Variants in ATP8B4 observed in about 807,000 individuals in gnomAD.
The protein encoded by ATP8B4 is probable phospholipid-transporting ATPase IM.
In ATP8B4, 133 loss-of-function variants were observed where a neutral mutation model predicts 145.6. The ratio of observed to expected loss-of-function variants is 0.91; its 90% CI spans 0.79 to 1.05. The LOEUF (loss-of-function observed/expected upper bound fraction) is 1.05. ATP8B4 is among the 50% of genes least tolerant of loss of function. The pLI is 0.00. For synonymous variants in ATP8B4, 507 were observed against 492.9 expected (o/e 1.03, Z -0.38); for missense variants, 1,458 against 1,425.2 (o/e 1.02, Z -0.37).
chr15:50,177,899 C>T (rs770461444), intron 1 of ATP8B4, among the ~76,000 whole-genome samples: 3 of 152,112 alleles, frequency 2.0e-5, no homozygotes, highest in Non-Finnish European at 4.4e-5. Flanking sequence ...AGGGACGCCA[C>T]CTGCTTTAAA....
At chr15:50,132,849 C>T (rs1012122636) in intron 1 of ATP8B4, among the ~76,000 whole-genome samples, 1 of 152,100 alleles carries the variant, frequency 6.6e-6, no homozygotes, top group African/African-American at 2.4e-5. Context: ...TCTCAGCAAA[C>T]TAACACAGGA....
intron 1 of ATP8B4, among the ~76,000 whole-genome samples, chr15:50,112,789 C>T (rs2057012564): frequency 1.3e-5 from 2 of 152,088 alleles, no homozygotes; most frequent in African/African-American, 4.8e-5. Context: ...ATTTCCACCT[C>T]CCCAGTCTAC....
In ATP8B4 at chr15:50,102,798, A is replaced by C. The variant is rs2056449131; in HGVS notation, c.28+4141T>G. Among the ~76,000 whole-genome samples the C allele has an allele frequency of 2.6e-5, 4 of 151,874 alleles. No individual in the cohort carries two copies. In the South Asian group the frequency reaches 8.3e-4, roughly 32 times the overall value. On this transcript the variant is annotated intron_variant, in intron 2 of 27. Coordinates refer to ENST00000284509, the MANE Select transcript of ATP8B4 (RefSeq NM_024837.4). ...GGGATGGACATAACAAAAAAAAAAA[A>C]ACTACAGAACAATATCCTTTATGAA...
At chr15:49,994,380 G>A (rs939824051) in intron 9 of ATP8B4, among the ~76,000 whole-genome samples, 1 of 151,902 alleles carries the variant, frequency 6.6e-6, no homozygotes, top group Admixed American at 6.6e-5. Flanking sequence ...GTCTTTTTGG[G>A]CCCTGACGCT....
chr15:49,918,766 G>C (rs2039981772), intron 19 of ATP8B4, 73 bp downstream of exon 19: 1 of 1,085,082 alleles, frequency 9.2e-7, no homozygotes, highest in African/African-American at 1.6e-5. Flanking sequence ...TAACCTTTCT[G>C]GTTAATTAAA....
chr15:50,125,566 G>A (rs1054977555), intron 1 of ATP8B4, among the ~76,000 whole-genome samples: 1 of 152,172 alleles, frequency 6.6e-6, no homozygotes, highest in African/African-American at 2.4e-5. Context: ...TGGTCTCTGT[G>A]AGAACAGAAA....
chr15:49,897,083 T>C (rs1598981465), intron 23 of ATP8B4: 1 of 514,582 alleles, frequency 1.9e-6, no homozygotes, highest in South Asian at 3.2e-5. Context: ...AATAAGAAAA[T>C]AAATAAATAA....
intron 1 of ATP8B4, among the ~76,000 whole-genome samples, chr15:50,138,967 C>T (rs1203968389): frequency 6.6e-6 from 1 of 152,090 alleles, no homozygotes; most frequent in African/African-American, 2.4e-5. Context: ...GTGGAAAAAA[C>T]AATGCTTTTA....
chr15:50,167,635 C>T (rs1047959399), intron 1 of ATP8B4, among the ~76,000 whole-genome samples: 9 of 152,214 alleles, frequency 5.9e-5, no homozygotes, highest in African/African-American at 1.4e-4. Context: ...TGGAGGGCAG[C>T]GCGAGACACA....
At chr15:50,023,773 CA>C (rs2049775726) in intron 6 of ATP8B4, among the ~76,000 whole-genome samples, 1 of 44,518 alleles carries the variant, frequency 2.2e-5, no homozygotes, top group Admixed American at 2.4e-4. Flanking sequence ...AAATTGAGAC[CA>C]AAGGCAAAAA....
At chr15:50,121,697 G>A (rs568902708), upstream of ATP8B4, among the ~76,000 whole-genome samples, 35 of 152,194 alleles carry the variant, frequency 2.3e-4, no homozygotes, top group South Asian at 7.3e-3. Flanking sequence ...TTATACAAAG[G>A]TAGCTAAACA....
intron 1 of ATP8B4, among the ~76,000 whole-genome samples, chr15:50,144,581 G>A (rs556573364): frequency 1.8e-4 from 27 of 152,174 alleles, no homozygotes; most frequent in Middle Eastern, 6.8e-3. Context: ...ACAGCATGGG[G>A]GCATTACCTC....
At chr15:50,069,788 A>T (rs1430343811) in intron 3 of ATP8B4, among the ~76,000 whole-genome samples, 1 of 152,208 alleles carries the variant, frequency 6.6e-6, no homozygotes, top group Non-Finnish European at 1.5e-5. Flanking sequence ...GAATCTGGCC[A>T]GTCTGCACTA....
At chr15:49,951,196 G>A (rs1351370158) in intron 14 of ATP8B4, among the ~76,000 whole-genome samples, 1 of 152,210 alleles carries the variant, frequency 6.6e-6, no homozygotes, top group Admixed American at 6.5e-5. Flanking sequence ...AGACAGTACT[G>A]TAGACATCTA....
intron 2 of ATP8B4, among the ~76,000 whole-genome samples, chr15:50,085,250 T>A (rs1461675582): frequency 6.6e-6 from 1 of 152,264 alleles, no homozygotes; most frequent in South Asian, 2.1e-4. Context: ...ACTAGAAATG[T>A]GTTTGCATAG....
intron 1 of ATP8B4, among the ~76,000 whole-genome samples, chr15:50,117,462 AAAAT>A (rs1414399934): frequency 6.6e-6 from 1 of 152,236 alleles, no homozygotes; most frequent in Non-Finnish European, 1.5e-5. Flanking sequence ...ACATATGAAA[AAAAT>A]AAAATTCTCC....
chr15:50,049,117 G>A (rs901421894), intron 3 of ATP8B4, among the ~76,000 whole-genome samples: 3 of 152,140 alleles, frequency 2.0e-5, no homozygotes, highest in East Asian at 3.8e-4. Context: ...CCTTTGGGGT[G>A]TACCCATTTT....
rs1373061912 is a variant in ATP8B4 at position 49,920,275 on chromosome 15, G to A, written c.1894C>T (p.Leu632=). The part of the protein sequence containing the change: ...TEERDERIAG[L]YEEIERDLML... ...AAATCTCTTTCAATTTCTTCATATA[G>A]CCCAGCTATTCGTTCATCCCTCTCT... The change falls in exon 18 of 28, where the codon CTA becomes TTA. Residue 632 remains leucine, a synonymous_variant. Coordinates refer to ENST00000284509, the MANE Select transcript of ATP8B4 (RefSeq NM_024837.4). 1.9e-6 allele frequency: 3 copies of A among 1,614,040 alleles called. No homozygotes were observed. Among genetic ancestry groups the A allele is most frequent in the Admixed American group, 1.7e-5 (1 of 60,006 alleles).
Position 49,868,676 on chromosome 15 carries a change from A to G in ATP8B4, c.3028-2192T>C, listed in dbSNP as rs565021349. ...TTAACATGTAAGAGTTGGGGATGGG[A>G]GTAAGGACAAAGAAGGGTAAGTAAG... is the stretch of plus-strand genomic sequence containing the variant. On this transcript the variant is annotated intron_variant, in intron 25 of 27. Coordinates refer to ENST00000284509, the MANE Select transcript of ATP8B4 (RefSeq NM_024837.4). Among the ~76,000 whole-genome samples, 13 of 152,312 alleles carry G rather than the reference A, an allele frequency of 8.5e-5. 1 individual carries two copies. The South Asian group carries it at 2.3e-3, about 27-fold the overall frequency.
Sources: gnomAD v4.1 joint callset for allele counts (sites outside exome capture counted in the v4.1 genomes callset) on GRCh38, gnomAD v4.1.1 for gene constraint, MANE v1.5 for transcripts, NCBI Gene and HGNC (gene_info 2026-07-23, HGNC 2026-07-21) for gene names.